CFAP65: variants seen among roughly 807,000 people sequenced by gnomAD.
CFAP65 encodes the protein cilia- and flagella-associated protein 65.
A neutral mutation model predicts 208.0 loss-of-function variants in CFAP65; 155 were observed. The ratio of observed to expected loss-of-function variants is 0.75; its 90% confidence interval spans 0.65 to 0.85. The LOEUF is 0.85. Ranked by LOEUF, CFAP65 falls within the 40% of genes least tolerant of loss-of-function variation. The pLI, the probability that CFAP65 is intolerant of heterozygous loss-of-function variation, is 0.00. For missense variants in CFAP65, 2,294 were observed against 2,451.3 expected (o/e 0.94, Z 1.36); for synonymous variants, 970 against 986.3 (o/e 0.98, Z 0.31).
At chr2:219,024,471 G>GGGAGAC (rs1559143479) in intron 14 of CFAP65, among the ~76,000 whole-genome samples, 17 of 124,098 alleles carry the variant, frequency 1.4e-4, no homozygotes, top group African/African-American at 5.4e-4. Flanking sequence ...CCTCCAGAAA[G>GGGAGAC]GGGCGGGGGG....
In CFAP65 at chr2:219,029,565, C is replaced by A. The variant is rs1388203166; in HGVS notation, c.1488G>T (p.Thr496=). 1 of 1,614,122 alleles carries A rather than the reference C, an allele frequency of 6.2e-7. No homozygotes were observed. Among genetic ancestry groups the A allele is most frequent in the East Asian group, 2.2e-5 (1 of 44,860 alleles). Reference sequence around the variant, plus strand: ...AGTCGATGGCAAACTGGAAGTGGGCCGTGCAGTCCGATTGGTTCTCAATCC... The same window carrying A: ...AGTCGATGGCAAACTGGAAGTGGGCAGTGCAGTCCGATTGGTTCTCAATCC... ...PLWIENQSDC[T]AHFQFAIDCL... The change falls in exon 11 of 35, where the codon ACG becomes ACT. Residue 496 remains threonine, a synonymous_variant. Transcript: ENST00000341552.
In CFAP65 at chr2:219,022,333, G is replaced by A. The variant is rs1947321623; in HGVS notation, c.2821-4C>T. ...GGCTGAAGGTCCACGTCAGCGTCTG[G>A]GGTCACAGAAATGATCCCTGCAGTG... On this transcript the variant is annotated splice_polypyrimidine_tract_variant and splice_region_variant and intron_variant, in intron 16 of 34. Transcript: ENST00000341552. 3 of 1,592,920 alleles carry A rather than the reference G, an allele frequency of 1.9e-6. No individual in the cohort carries two copies. Among genetic ancestry groups the A allele is most frequent in the Non-Finnish European group, 2.6e-6 (3 of 1,169,764 alleles).
intron 12 of CFAP65, 84 bp from the exon 13 acceptor site, chr2:219,028,093 G>C: frequency 6.5e-7 from 1 of 1,550,372 alleles, no homozygotes. Context: ...TGTCTAGAAA[G>C]GCTACACCAG....
rs144259737 is a variant in CFAP65, at chr2:219,013,397, C to A, written c.3847-28G>T. On this transcript the variant is annotated intron_variant, in intron 23 of 34. Transcript: ENST00000341552. ...GGAAATAAAAGTTCCCCCGGAGGAA[C>A]TGACACAGCCAGTGGAGATCTGGAC... is the stretch of plus-strand genomic sequence containing the variant. The A allele has an allele frequency of 2.0e-4, 317 of 1,575,512 alleles. No homozygotes were observed. In the African/African-American group the frequency reaches 3.7e-3, roughly 19 times the overall value.
rs960533907 is a variant in CFAP65 at position 219,031,747 on chromosome 2, A to G, written c.646-89T>C. The G allele has an allele frequency of 5.5e-6, 8 of 1,442,626 alleles. No homozygotes were observed. The highest frequency in any genetic ancestry group is 4.3e-5 in the African/African-American group (3 of 70,284). The allele number at this position is 1,442,626 out of a possible 1,614,324, so 89.4% of individuals were successfully genotyped here. A position where few individuals can be genotyped will look rare whatever the true frequency, so the allele number is the denominator to read the frequency against. The stretch of plus-strand genomic sequence containing the variant: ...CCCACCCTCAGCCACCCCCAACACA[A>G]CCGCTGAGGGGAGGGCCAGGCCGTG... On this transcript the variant is annotated intron_variant, in intron 6 of 34. Transcript: ENST00000341552. The surrounding 1 kb of genome is among the most constrained non-coding windows in gnomAD (Gnocchi z 5.2).
chr2:219,010,399 G>A, intron 26 of CFAP65, 147 bp downstream of exon 26: 2 of 821,196 alleles, frequency 2.4e-6, no homozygotes, highest in South Asian at 4.1e-5. Flanking sequence ...TCTGGAGGAG[G>A]GTGAGTTCCA....
chr2:219,020,037 A>G (rs1047421357), intron 19 of CFAP65, among the ~76,000 whole-genome samples: 1 of 149,538 alleles, frequency 6.7e-6, no homozygotes, highest in Non-Finnish European at 1.5e-5. Flanking sequence ...CTTTTAACAC[A>G]TACAATTCAG....
intron 13 of CFAP65, chr2:219,027,290 T>G: frequency 1.5e-6 from 2 of 1,374,154 alleles, no homozygotes; most frequent in Non-Finnish European, 1.9e-6. Context: ...CGCTCAAAGC[T>G]CCTTTAGAGT....
chr2:219,037,792 A>T (rs1355815451), intron 4 of CFAP65, among the ~76,000 whole-genome samples: 3 of 152,164 alleles, frequency 2.0e-5, no homozygotes, highest in Admixed American at 6.5e-5. Flanking sequence ...AGCACACCTA[A>T]GGAGCTGGGC....
In CFAP65 at chr2:219,032,460, C is replaced by G; in HGVS notation, c.645+10G>C. On this transcript the variant is annotated intron_variant, in intron 6 of 34. Transcript: ENST00000341552. This position sits in a 1 kb window ranked among gnomAD's most constrained non-coding sequence, Gnocchi z 5.5. ...ACCTCCCTGCCCTCACTCGCTGTGG[C>G]AGACCTTACCGCCTCCAGAGGCCGG... 6.3e-7 allele frequency: 1 copy of G among 1,575,328 alleles called. No individual in the cohort carries two copies.
rs1356986309 is a variant in CFAP65 at position 219,038,417 on chromosome 2, G to A, written c.315C>T (p.Asp105=). 3 of 1,613,624 alleles carry A rather than the reference G, an allele frequency of 1.9e-6. No individual in the cohort carries two copies. The highest frequency in any genetic ancestry group is 3.3e-5 in the Admixed American group (2 of 59,996). The change falls in exon 4 of 35, where the codon GAC becomes GAT. Residue 105 remains aspartate, a synonymous_variant. Transcript: ENST00000341552. ...TGCAGGCACTCATGGCTGCACTGCT[G>A]TCGTTGATGGCAGGGATGGCCACTG... ...ASTVAIPAIN[D]SSAAMSACST... is the part of the protein sequence containing the mutation.
intron 13 of CFAP65, chr2:219,026,829 C>T (rs1947663211): frequency 1.0e-6 from 1 of 986,264 alleles, no homozygotes; most frequent in South Asian, 4.7e-5. Flanking sequence ...AGCCAGGCAT[C>T]TACAACCTTA....
At chr2:219,008,118 C>G (rs996561780) in intron 29 of CFAP65, among the ~76,000 whole-genome samples, 1 of 152,182 alleles carries the variant, frequency 6.6e-6, no homozygotes, top group African/African-American at 2.4e-5. Context: ...CATGCCCAGC[C>G]TAGACTTTTA....
chr2:219,037,288 AG>A (rs1483331604), intron 4 of CFAP65, among the ~76,000 whole-genome samples: 3 of 152,196 alleles, frequency 2.0e-5, no homozygotes, highest in Non-Finnish European at 2.9e-5. Flanking sequence ...GCTACTTGGG[AG>A]GCTGAGGCAG....
At position 219,027,842 on chromosome 2, in the gene CFAP65, G is replaced by A. The variant is rs768064001; in HGVS notation, c.2019C>T (p.Pro673=). Residue 673 remains proline (P), a synonymous_variant, in exon 13 of 35, where the codon CCC becomes CCT. Coordinates refer to ENST00000341552, the MANE Select transcript of CFAP65 (RefSeq NM_194302.4). The part of the protein sequence containing the change: ...CPGPEAPNPV[P]LCLMNHTKGK... ...CCTTGGTGTGGTTCATCAGGCACAG[G>A]GGTACAGGGTTGGGGGCCTCAGGCC... 2.5e-6 allele frequency: 4 copies of A among 1,595,126 alleles called. No homozygotes were observed. Among genetic ancestry groups the A allele is most frequent in the African/African-American group, 1.3e-5 (1 of 74,698 alleles).
intron 19 of CFAP65, among the ~76,000 whole-genome samples, chr2:219,020,428 G>A (rs1341839095): frequency 6.6e-6 from 1 of 152,038 alleles, no homozygotes; most frequent in Non-Finnish European, 1.5e-5. Context: ...CCAGGCTGGA[G>A]AGCAGCGACA....
Position 219,019,036 on chromosome 2 carries a change from C to A in CFAP65, c.3602+15G>T, listed in dbSNP as rs748112378. ...TTGTCTCCCAGGCCCCCCAGTGGCC[C>A]CCTTCAAGCCATACCAGTCCAGGGA... On this transcript the variant is annotated intron_variant, in intron 21 of 34. Coordinates refer to ENST00000341552, the MANE Select transcript of CFAP65 (RefSeq NM_194302.4). The A allele has an allele frequency of 6.8e-6, 11 of 1,614,020 alleles. No individual in the cohort carries two copies. Among genetic ancestry groups the A allele is most frequent in the Non-Finnish European group, 9.3e-6 (11 of 1,180,002 alleles).
At chr2:219,022,456 G>T in intron 16 of CFAP65, 127 bp from the exon 17 acceptor site, 1 of 1,058,192 alleles carries the variant, frequency 9.5e-7, no homozygotes, top group Non-Finnish European at 1.4e-6. Context: ...CCTATGCCAG[G>T]CATTGTACAC....
In CFAP65 at chr2:219,030,727, T is replaced by C; in HGVS notation, c.1123A>G (p.Thr375Ala). The C allele has an allele frequency of 6.2e-7, 1 of 1,614,126 alleles. No individual in the cohort carries two copies. Among genetic ancestry groups the C allele is most frequent in the Non-Finnish European group, 8.5e-7 (1 of 1,179,994 alleles). Reference sequence around the variant, plus strand: ...TGTAGCCTGATCTGCCTCTCCGAGGTGCAGCCCACAGCAACAGAGCCAAAG... The same window carrying C: ...TGTAGCCTGATCTGCCTCTCCGAGGCGCAGCCCACAGCAACAGAGCCAAAG... Reference protein sequence around the residue: ...LYFGSVAVGCTSERQIRLHNP... With the variant: ...LYFGSVAVGCASERQIRLHNP... Residue 375 changes from threonine to alanine, a missense_variant, in exon 9 of 35, where the codon ACC becomes GCC. Physicochemically the swap from Thr to Ala is moderately conservative, Grantham distance 58. Transcript: ENST00000341552.
Sources: allele counts gnomAD v4.1 joint callset (sites outside exome capture counted in the v4.1 genomes callset), GRCh38; gene constraint gnomAD v4.1.1; non-coding constraint Gnocchi (gnomAD v3.1); transcripts MANE v1.5; gene names NCBI Gene and HGNC (gene_info 2026-07-23, HGNC 2026-07-21).